KIN: variants seen among roughly 807,000 people sequenced by gnomAD.
KIN encodes the protein Kin17 DNA and RNA binding protein.
Under a neutral mutation model 63.0 loss-of-function variants are expected in KIN, and 47 were observed. The ratio of observed to expected loss-of-function variants is 0.75; its 90% CI spans 0.59 to 0.95. The LOEUF is 0.95. Among genes scored for constraint, KIN ranks in the 40% least tolerant of loss-of-function variants. KIN has a pLI of 0.00. For synonymous variants in KIN, 160 were observed against 157.7 expected, an observed-to-expected ratio of 1.01 and a Z score of -0.11; for missense variants, 408 against 460.9, an observed-to-expected ratio of 0.89 and a Z score of 1.05.
In KIN at chr10:7,782,777, T is replaced by C. The variant is rs146492109; in HGVS notation, c.209+304A>G. Among the ~76,000 whole-genome samples, 202 of 152,298 alleles carry C rather than the reference T, an allele frequency of 1.3e-3. 2 individuals are homozygous for C. The highest frequency in any genetic ancestry group is 4.8e-3 in the African/African-American group (198 of 41,564). ...CATCCAAAGGCATACAGTTTTTAAA[T>C]GGAGAAGGATTTGAATTTGGGAAGT... On this transcript the variant is annotated intron_variant, in intron 2 of 12. Transcript: ENST00000379562.
intron 12 of KIN, 124 bp from the exon 13 acceptor site, chr10:7,756,266 T>A: frequency 1.9e-6 from 1 of 534,654 alleles, no homozygotes; most frequent in African/African-American, 1.9e-5. Context: ...TTAAGATTGT[T>A]AACATTTGTA....
At chr10:7,782,159 C>T (rs1835910493) in intron 2 of KIN, among the ~76,000 whole-genome samples, 1 of 151,950 alleles carries the variant, frequency 6.6e-6, no homozygotes, top group Non-Finnish European at 1.5e-5. Context: ...AACAGAAGTT[C>T]TTGGGGTCTT....
At position 7,762,570 on chromosome 10, in the gene KIN, T is replaced by A; in HGVS notation, c.919-14A>T. 1 of 1,459,110 alleles carries A rather than the reference T, an allele frequency of 6.9e-7. No homozygotes were observed. The allele number at this position is 1,459,110 out of a possible 1,614,324, so 90.4% of individuals were successfully genotyped here. On this transcript the variant is annotated splice_polypyrimidine_tract_variant and intron_variant, in intron 10 of 12. Transcript: ENST00000379562. The stretch of plus-strand genomic sequence containing the variant: ...GTCAATTACTTCCTGTCATGTAAAA[T>A]GAACACTTTTATAATAGAAGAAATA...
intron 7 of KIN, among the ~76,000 whole-genome samples, chr10:7,770,522 C>T (rs1399082714): frequency 6.6e-6 from 1 of 152,226 alleles, no homozygotes; most frequent in Non-Finnish European, 1.5e-5. Context: ...TTGTGGCATG[C>T]ATCACACTGC....
chr10:7,764,020 A>G (rs1835491734), intron 9 of KIN, among the ~76,000 whole-genome samples: 1 of 152,232 alleles, frequency 6.6e-6, no homozygotes, highest in African/African-American at 2.4e-5. Context: ...GGAAAAAAAT[A>G]TATACATATA....
At chr10:7,763,577 A>G (rs1339842252) in intron 10 of KIN, 146 bp downstream of exon 10, 1 of 610,950 alleles carries the variant, frequency 1.6e-6, no homozygotes, top group Non-Finnish European at 2.9e-6. Context: ...ACAATCATGA[A>G]TTCAGCTTCC....
At chr10:7,769,818 T>C (rs1048492648) in intron 7 of KIN, among the ~76,000 whole-genome samples, 4 of 152,220 alleles carry the variant, frequency 2.6e-5, no homozygotes, top group Non-Finnish European at 5.9e-5. Context: ...TGACATGTTT[T>C]CAAATGACCG....
intron 4 of KIN, among the ~76,000 whole-genome samples, chr10:7,779,392 C>T (rs577131478): frequency 2.4e-4 from 37 of 152,192 alleles, no homozygotes; most frequent in African/African-American, 7.5e-4. Flanking sequence ...GGCAACAGAG[C>T]GAGACTCAGT....
chr10:7,780,931 G>C (rs1451315539), intron 2 of KIN, among the ~76,000 whole-genome samples: 1 of 152,164 alleles, frequency 6.6e-6, no homozygotes, highest in Non-Finnish European at 1.5e-5. Context: ...CACTGATGGT[G>C]GCATAATGAC....
Position 7,780,288 on chromosome 10 carries a change from G to A in KIN, c.229C>T (p.Leu77=). 2 of 1,607,948 alleles carry A rather than the reference G, an allele frequency of 1.2e-6. No individual in the cohort carries two copies. Among genetic ancestry groups the A allele is most frequent in the Admixed American group, 1.7e-5 (1 of 58,134 alleles). The change falls in exon 3 of 13, where the codon CTA becomes TTA. Residue 77 remains leucine (L), a synonymous_variant. Transcript: ENST00000379562. ...YFSEEFRNDF[L]ELLRRRFGTK... is the part of the protein sequence containing the mutation. ...CCAAAGCGTCTCCTGAGAAGTTCTA[G>A]AAAGTCATTTCGGAATTCCCTAATA... is the stretch of plus-strand genomic sequence containing the variant.
At chr10:7,781,750 CAAAAAAAAAAAAA>C (rs34969604) in intron 2 of KIN, among the ~76,000 whole-genome samples, 1 of 67,980 alleles carries the variant, frequency 1.5e-5, no homozygotes, top group South Asian at 5.5e-4. Context: ...AAGACCCTGT[CAAAAAAAAAAAAA>C]AAAAAAAAAA....
rs545267840 is a variant in KIN at position 7,751,203 on chromosome 10, G to A, written c.*4877C>T. On this transcript the variant is annotated 3_prime_UTR_variant, in exon 13 of 13. Coordinates refer to ENST00000379562, the MANE Select transcript of KIN (RefSeq NM_012311.4). ...TAAAAAATCAATTCCTAAAATGAAC[G>A]TATTTTCAAAAGTCAAATTGGTGAA... is the stretch of plus-strand genomic sequence containing the variant. The A allele has an allele frequency of 6.6e-5, 10 of 152,176 alleles. No homozygotes were observed. Among genetic ancestry groups the A allele is most frequent in the Non-Finnish European group, 1.2e-4 (8 of 68,036 alleles). 9.4% of individuals were successfully genotyped at this position (152,176 alleles called of 1,614,324 possible). A position where few individuals can be genotyped will look rare whatever the true frequency, so the allele number is the denominator to read the frequency against.
intron 9 of KIN, among the ~76,000 whole-genome samples, chr10:7,764,357 T>C (rs1056403900): frequency 6.6e-6 from 1 of 152,208 alleles, no homozygotes; most frequent in Non-Finnish European, 1.5e-5. Context: ...AATTCTCAAA[T>C]GGGAGGGAAA....
intron 1 of KIN, among the ~76,000 whole-genome samples, chr10:7,785,114 T>C (rs1484263717): frequency 6.6e-6 from 1 of 151,924 alleles, no homozygotes; most frequent in Admixed American, 6.6e-5. Flanking sequence ...TTAGGCATGG[T>C]GGCAATCACC....
At position 7,751,899 on chromosome 10, in the gene KIN, G is replaced by C. The variant is rs564686648; in HGVS notation, c.*4181C>G. On this transcript the variant is annotated 3_prime_UTR_variant, in exon 13 of 13. Transcript: ENST00000379562. ...AAATACAAAAAATTAGCCGGGCGCG[G>C]TGGCGGGCGCCTGTAGTCCCAGCTA... 6 of 2,764 alleles carry C rather than the reference G, an allele frequency of 2.2e-3. 3 individuals carry two copies. The highest frequency in any genetic ancestry group is 0.012 in the African/African-American group (6 of 482). The allele number at this position is 2,764 out of a possible 1,614,324, so 0.2% of individuals were successfully genotyped here.
chr10:7,780,975 T>C (rs1229775999), intron 2 of KIN, among the ~76,000 whole-genome samples: 2 of 152,198 alleles, frequency 1.3e-5, no homozygotes, highest in African/African-American at 4.8e-5. Flanking sequence ...ACTGCCCTGA[T>C]TCCACATGAA....
At chr10:7,780,379 G>C in intron 2 of KIN, 72 bp from the exon 3 acceptor site, 1 of 1,305,254 alleles carries the variant, frequency 7.7e-7, no homozygotes, top group South Asian at 1.3e-5. Context: ...TGAAATTTAA[G>C]CAGTAGTACA....
At chr10:7,756,785 T>C (rs11255339) in intron 12 of KIN, among the ~76,000 whole-genome samples, 15,582 of 152,168 alleles carry the variant, frequency 0.1, 1,474 homozygotes, top group East Asian at 0.24. Context: ...TACTCAAACA[T>C]GTTTGTCTAG....
chr10:7,755,451 T>C lies in KIN; in HGVS notation c.*629A>G, dbSNP rs780329384. ...GAAATGTCCAGAAAGGGCAAATCCATAGAGACAGAAAGTACATTAGTGGCT... is the reference window on the plus strand; with the variant it reads ...GAAATGTCCAGAAAGGGCAAATCCACAGAGACAGAAAGTACATTAGTGGCT... On this transcript the variant is annotated 3_prime_UTR_variant, in exon 13 of 13. Coordinates refer to ENST00000379562, the MANE Select transcript of KIN (RefSeq NM_012311.4). 2.6e-5 allele frequency: 4 copies of C among 152,122 alleles called. No homozygotes were observed. The highest frequency in any genetic ancestry group is 5.9e-5 in the Non-Finnish European group (4 of 68,024). The allele number at this position is 152,122 out of a possible 1,614,324, so 9.4% of individuals were successfully genotyped here. A position where few individuals can be genotyped will look rare whatever the true frequency, so the allele number is the denominator to read the frequency against.
Sources: allele counts gnomAD v4.1 joint callset (sites outside exome capture counted in the v4.1 genomes callset), GRCh38; gene constraint gnomAD v4.1.1; transcripts MANE v1.5; gene names NCBI Gene and HGNC (gene_info 2026-07-23, HGNC 2026-07-21).